CLSTN2: variants seen among roughly 807,000 people sequenced by gnomAD.
CLSTN2 encodes the protein calsyntenin 2.
CLSTN2 carries 48 observed loss-of-function variants against 101.2 expected under a neutral mutation model. That is an observed-to-expected ratio of 0.47 (90% CI 0.38 to 0.60). The LOEUF is 0.60. Ranked by LOEUF, CLSTN2 falls within the 20% of genes least tolerant of loss-of-function variation. CLSTN2 has a pLI of 0.00. For synonymous variants in CLSTN2, 481 were observed against 463.6 expected, an observed-to-expected ratio of 1.04 and a Z score of -0.48; for missense variants, 1,160 against 1,238.2, an observed-to-expected ratio of 0.94 and a Z score of 0.95.
chr3:140,337,984 A>G (rs1430984799), intron 2 of CLSTN2, among the ~76,000 whole-genome samples: 1 of 152,178 alleles, frequency 6.6e-6, no homozygotes, highest in East Asian at 1.9e-4. Flanking sequence ...AGGGAGTGAT[A>G]GAGCTGGGGG....
At chr3:140,043,196 A>G (rs1203758302) in intron 1 of CLSTN2, among the ~76,000 whole-genome samples, 1 of 152,012 alleles carries the variant, frequency 6.6e-6, no homozygotes, top group Non-Finnish European at 1.5e-5. Flanking sequence ...TTGTTTCCTG[A>G]CTTTTTAATG....
chr3:140,439,186 G>A (rs546327326), intron 5 of CLSTN2, among the ~76,000 whole-genome samples: 4 of 152,346 alleles, frequency 2.6e-5, no homozygotes, highest in African/African-American at 7.2e-5. Context: ...GGAATGTGGT[G>A]TCTCAGAGGC....
intron 1 of CLSTN2, among the ~76,000 whole-genome samples, chr3:140,055,892 T>C (rs1345897798): frequency 1.3e-5 from 2 of 152,154 alleles, no homozygotes; most frequent in East Asian, 1.9e-4. Flanking sequence ...GAATATAAGA[T>C]GCATCTACAT....
chr3:140,479,718 A>G (rs1016837219), intron 8 of CLSTN2, among the ~76,000 whole-genome samples: 2 of 152,202 alleles, frequency 1.3e-5, no homozygotes, highest in African/African-American at 4.8e-5. Flanking sequence ...TTTCGCACAT[A>G]AGAGAATAGA....
chr3:139,966,131 T>G (rs1386690003), intron 1 of CLSTN2, among the ~76,000 whole-genome samples: 36 of 152,164 alleles, frequency 2.4e-4, no homozygotes, highest in Non-Finnish European at 4.4e-5. Context: ...ACAGGGCCAG[T>G]GTTGTTATCC....
At chr3:140,135,507 G>T (rs138282310) in intron 1 of CLSTN2, among the ~76,000 whole-genome samples, 2 of 152,106 alleles carry the variant, frequency 1.3e-5, no homozygotes, top group African/African-American at 4.8e-5. Flanking sequence ...AAACTAGTTT[G>T]GATAGAAGAA....
intron 2 of CLSTN2, among the ~76,000 whole-genome samples, chr3:140,348,824 C>T (rs925071949): frequency 1.3e-5 from 2 of 152,180 alleles, no homozygotes; most frequent in African/African-American, 4.8e-5. Context: ...TACACATCCA[C>T]AAACACATGC....
rs145048028 is a variant in CLSTN2 at position 140,320,005 on chromosome 3, G to A, written c.233-83624G>A. On this transcript the variant is annotated intron_variant, in intron 2 of 16. Transcript: ENST00000458420. ...CTGTATTCCAGTGTCCTAAACAAAC[G>A]TCCTTGTCATGCCATGAGAGGCATT... 1.5e-3 allele frequency among the ~76,000 whole-genome samples: 229 copies of A among 152,286 alleles called. 1 individual carries two copies. Among genetic ancestry groups the A allele is most frequent in the African/African-American group, 5.1e-3 (211 of 41,566 alleles).
intron 8 of CLSTN2, among the ~76,000 whole-genome samples, chr3:140,512,100 T>C (rs1271656581): frequency 6.6e-6 from 1 of 152,198 alleles, no homozygotes; most frequent in African/African-American, 2.4e-5. Flanking sequence ...CTGTTCACTA[T>C]GATGATAGTT....
At chr3:140,095,770 T>G (rs1172832692) in intron 1 of CLSTN2, among the ~76,000 whole-genome samples, 3 of 152,200 alleles carry the variant, frequency 2.0e-5, no homozygotes, top group Non-Finnish European at 4.4e-5. Flanking sequence ...TGGGACCATG[T>G]CAGTGACCAG....
At chr3:140,046,700 G>C (rs556233333) in intron 1 of CLSTN2, among the ~76,000 whole-genome samples, 1 of 152,138 alleles carries the variant, frequency 6.6e-6, no homozygotes, top group African/African-American at 2.4e-5. Context: ...CTCTTGTAGG[G>C]CAGGCCTGGT....
At chr3:140,459,186 T>C (rs557274413) in intron 6 of CLSTN2, among the ~76,000 whole-genome samples, 23 of 152,302 alleles carry the variant, frequency 1.5e-4, no homozygotes, top group Non-Finnish European at 2.6e-4. Flanking sequence ...TCCATCCAAA[T>C]CAAATCCTGG....
chr3:140,391,562 G>A (rs1398600775), intron 2 of CLSTN2, among the ~76,000 whole-genome samples: 1 of 151,978 alleles, frequency 6.6e-6, no homozygotes, highest in Non-Finnish European at 1.5e-5. Context: ...GTTAGAACTA[G>A]TGCAATAAGA....
At chr3:140,061,009 G>C (rs763727859) in intron 1 of CLSTN2, among the ~76,000 whole-genome samples, 3 of 152,178 alleles carry the variant, frequency 2.0e-5, no homozygotes, top group Non-Finnish European at 2.9e-5. Context: ...CGCTGGCAGA[G>C]GGAAGCCCTG....
intron 5 of CLSTN2, among the ~76,000 whole-genome samples, chr3:140,429,132 C>A (rs578063671): frequency 2.0e-5 from 3 of 152,170 alleles, no homozygotes; most frequent in Admixed American, 2.0e-4. Flanking sequence ...TGGCTAGATT[C>A]GTTGCTTTTA....
intron 8 of CLSTN2, among the ~76,000 whole-genome samples, chr3:140,469,834 G>A (rs186108194): frequency 5.8e-4 from 88 of 152,200 alleles, no homozygotes; most frequent in Non-Finnish European, 1.1e-3. Flanking sequence ...GAGGGAGAGA[G>A]GAAAGAGGAA....
intron 2 of CLSTN2, among the ~76,000 whole-genome samples, chr3:140,203,263 C>A (rs762034060): frequency 3.3e-5 from 5 of 152,008 alleles, no homozygotes; most frequent in Non-Finnish European, 7.4e-5. Context: ...ACCTGGAGGT[C>A]ATGGGTGACC....
intron 1 of CLSTN2, among the ~76,000 whole-genome samples, chr3:140,027,713 C>T (rs2007450751): frequency 6.6e-6 from 1 of 152,156 alleles, no homozygotes; most frequent in African/African-American, 2.4e-5. Context: ...CTTCAGACCC[C>T]AGTGTCATCC....
chr3:140,022,747 G>A (rs1019571013), intron 1 of CLSTN2, among the ~76,000 whole-genome samples: 6 of 152,220 alleles, frequency 3.9e-5, no homozygotes, highest in African/African-American at 1.4e-4. Context: ...TGCACAAGGA[G>A]ACAGGTGCTG....
Sources: allele counts gnomAD v4.1 joint callset (sites outside exome capture counted in the v4.1 genomes callset), GRCh38; gene constraint gnomAD v4.1.1; transcripts MANE v1.5; gene names NCBI Gene and HGNC (gene_info 2026-07-23, HGNC 2026-07-21).